The following TFEC variants were observed in gnomAD, a reference collection of about 807,000 sequenced individuals.
The protein encoded by TFEC is class E basic helix-loop-helix protein 34.
In TFEC, 31 loss-of-function variants were observed where a neutral mutation model predicts 41.6. That is an observed-to-expected ratio of 0.74 (90% CI 0.56 to 1.01). The LOEUF is 1.01. TFEC is among the 50% of genes least tolerant of loss of function. TFEC has a pLI of 0.00. For synonymous variants in TFEC, 143 were observed against 140.6 expected, an observed-to-expected ratio of 1.02 and a Z score of -0.12; for missense variants, 402 against 404.1, an observed-to-expected ratio of 0.99 and a Z score of 0.04.
chr7:116,102,028 G>A (rs926144493), intron 3 of TFEC, among the ~76,000 whole-genome samples: 10 of 152,038 alleles, frequency 6.6e-5, no homozygotes, highest in Middle Eastern at 3.2e-3. Flanking sequence ...TAAGATATTC[G>A]TCCTATCACA....
intron 1 of TFEC, among the ~76,000 whole-genome samples, chr7:116,142,178 T>A (rs1055386043): frequency 2.0e-5 from 3 of 152,192 alleles, no homozygotes; most frequent in African/African-American, 7.2e-5. Flanking sequence ...GCTAGAAGAA[T>A]GTACATCTTC....
intron 3 of TFEC, among the ~76,000 whole-genome samples, chr7:115,958,980 G>C (rs1792385549): frequency 6.6e-6 from 1 of 151,698 alleles, no homozygotes; most frequent in Non-Finnish European, 1.5e-5. Context: ...ATTCACCTGT[G>C]AAAAAGTTTA....
chr7:115,936,899 CTATA>C lies in TFEC; in HGVS notation c.*3648_*3651del, dbSNP rs1793253786. 6.6e-6 allele frequency: 1 copy of C among 151,218 alleles called. No individual in the cohort carries two copies. Among genetic ancestry groups the C allele is most frequent in the Non-Finnish European group, 1.5e-5 (1 of 67,604 alleles). 9.4% of individuals were successfully genotyped at this position (151,218 alleles called of 1,614,324 possible). A position where few individuals can be genotyped will look rare whatever the true frequency, so the allele number is the denominator to read the frequency against. The stretch of plus-strand genomic sequence containing the variant: ...TATTATTTAGGGCTTTTTTAAAAAC[CTATA>C]TAAAGAAAGCCATGGTCACTGATAT... On this transcript the variant is annotated 3_prime_UTR_variant, in exon 8 of 8. Transcript: ENST00000265440.
At chr7:116,041,749 T>A (rs1219084841) in intron 3 of TFEC, among the ~76,000 whole-genome samples, 1 of 152,178 alleles carries the variant, frequency 6.6e-6, no homozygotes, top group East Asian at 1.9e-4. Flanking sequence ...ACAGGTTTTA[T>A]AATCCTTGTG....
Position 115,952,041 on chromosome 7 carries a change from C to A in TFEC, c.440-1092G>T, listed in dbSNP as rs565527913. The stretch of plus-strand genomic sequence containing the variant: ...ATATTTTTTTAAATGTTGGAAAATA[C>A]TTAAACAGTTCACATTTGAGAATTA... On this transcript the variant is annotated intron_variant, in intron 5 of 7. Coordinates refer to ENST00000265440, the MANE Select transcript of TFEC (RefSeq NM_012252.4). Among the ~76,000 whole-genome samples the A allele has an allele frequency of 3.9e-5, 6 of 152,050 alleles. No homozygotes were observed. In the East Asian group the frequency reaches 1.2e-3, roughly 30 times the overall value.
At chr7:116,010,115 G>A (rs1429285780) in intron 1 of TFEC, among the ~76,000 whole-genome samples, 1 of 152,128 alleles carries the variant, frequency 6.6e-6, no homozygotes, top group Non-Finnish European at 1.5e-5. Flanking sequence ...AAAACACACT[G>A]AAAGGATAAT....
chr7:116,148,351 A>G (rs1326806126), intron 1 of TFEC, among the ~76,000 whole-genome samples: 1 of 152,178 alleles, frequency 6.6e-6, no homozygotes, highest in Non-Finnish European at 1.5e-5. Context: ...GGTGGGGTGA[A>G]GGGTGAGACA....
chr7:116,031,151 A>G (rs1380065849), upstream of TFEC, among the ~76,000 whole-genome samples: 1 of 151,700 alleles, frequency 6.6e-6, no homozygotes, highest in Non-Finnish European at 1.5e-5. Flanking sequence ...TTTTTTTTCA[A>G]TTTTAGGAAT....
At chr7:116,136,135 T>C (rs915307498) in intron 1 of TFEC, among the ~76,000 whole-genome samples, 1 of 152,026 alleles carries the variant, frequency 6.6e-6, no homozygotes, top group Non-Finnish European at 1.5e-5. Flanking sequence ...ACTCAGTGTA[T>C]AGGAATTTGG....
At chr7:115,992,104 C>G (rs1794145308) in intron 1 of TFEC, among the ~76,000 whole-genome samples, 1 of 152,188 alleles carries the variant, frequency 6.6e-6, no homozygotes, top group Non-Finnish European at 1.5e-5. Flanking sequence ...TCCTGAATGA[C>G]TACTGGGTAC....
At chr7:116,004,301 A>G (rs896431550) in intron 1 of TFEC, among the ~76,000 whole-genome samples, 1 of 152,208 alleles carries the variant, frequency 6.6e-6, no homozygotes, top group Non-Finnish European at 1.5e-5. Context: ...ATAAATATCT[A>G]TACAGATCCT....
At chr7:116,095,754 T>C (rs1358046604) in intron 3 of TFEC, among the ~76,000 whole-genome samples, 1 of 152,216 alleles carries the variant, frequency 6.6e-6, no homozygotes, top group Admixed American at 6.5e-5. Context: ...CTTTTATTTT[T>C]TTTTCTACTG....
intron 3 of TFEC, among the ~76,000 whole-genome samples, chr7:116,058,571 C>A (rs1273514436): frequency 6.6e-6 from 1 of 151,472 alleles, no homozygotes; most frequent in African/African-American, 2.4e-5. Context: ...AGCACTTCAC[C>A]CAACAACAAC....
At chr7:116,047,657 T>C (rs555425276) in intron 3 of TFEC, among the ~76,000 whole-genome samples, 1 of 152,252 alleles carries the variant, frequency 6.6e-6, no homozygotes, top group Admixed American at 6.5e-5. Context: ...GAGTAGTGGT[T>C]CTCCCAGCAC....
chr7:116,124,447 T>A (rs1206545513), intron 1 of TFEC, among the ~76,000 whole-genome samples: 1 of 152,088 alleles, frequency 6.6e-6, no homozygotes, highest in Non-Finnish European at 1.5e-5. Context: ...GGGAGAAAGT[T>A]CTATGCAATC....
intron 3 of TFEC, among the ~76,000 whole-genome samples, chr7:116,044,763 T>A (rs1317135421): frequency 1.3e-5 from 2 of 152,228 alleles, no homozygotes; most frequent in Non-Finnish European, 2.9e-5. Flanking sequence ...TTTCTCAGGC[T>A]GGGAGGCATA....
intron 1 of TFEC, among the ~76,000 whole-genome samples, chr7:116,001,557 T>A (rs111450020): frequency 6.7e-6 from 1 of 149,660 alleles, no homozygotes; most frequent in Non-Finnish European, 1.5e-5. Context: ...AAAAAAAACA[T>A]TGGGGAAACT....
At chr7:115,965,122 C>T (rs1792778545) in intron 3 of TFEC, among the ~76,000 whole-genome samples, 1 of 151,542 alleles carries the variant, frequency 6.6e-6, no homozygotes, top group Non-Finnish European at 1.5e-5. Flanking sequence ...TTTTAACTGA[C>T]GTTGATATGA....
intron 1 of TFEC, among the ~76,000 whole-genome samples, chr7:116,010,434 G>A (rs1794956694): frequency 6.6e-6 from 1 of 152,150 alleles, no homozygotes; most frequent in South Asian, 2.1e-4. Flanking sequence ...TAACTGAATG[G>A]ATAGTGATGT....
Sources: allele counts gnomAD v4.1 joint callset (sites outside exome capture counted in the v4.1 genomes callset), GRCh38; gene constraint gnomAD v4.1.1; transcripts MANE v1.5; gene names NCBI Gene and HGNC (gene_info 2026-07-23, HGNC 2026-07-21).